GRID2: variants seen among roughly 807,000 people sequenced by gnomAD.
GRID2 encodes the protein glutamate ionotropic receptor delta type subunit 2.
Under a neutral mutation model 114.8 loss-of-function variants are expected in GRID2, and 33 were observed. The ratio of observed to expected loss-of-function variants is 0.29; its 90% CI spans 0.22 to 0.38. GRID2 has a LOEUF of 0.38. GRID2 is among the 10% of genes least tolerant of loss of function. The probability of loss-of-function intolerance (pLI) is 1.00; values close to 1 mark genes in which losing one functional copy is unlikely to be tolerated. For synonymous variants in GRID2, 505 were observed against 449.9 expected (o/e 1.12, Z -1.55); for missense variants, 1,184 against 1,257.7 (o/e 0.94, Z 0.89).
At chr4:92,754,354 C>G (rs987326668) in intron 2 of GRID2, among the ~76,000 whole-genome samples, 2 of 152,038 alleles carry the variant, frequency 1.3e-5, no homozygotes, top group African/African-American at 4.8e-5. Flanking sequence ...AAGCATGATA[C>G]CAAGAAACAG....
chr4:93,633,528 G>A (rs1161278054), intron 14 of GRID2, among the ~76,000 whole-genome samples: 1 of 151,966 alleles, frequency 6.6e-6, no homozygotes, highest in Non-Finnish European at 1.5e-5. Context: ...TTTCATACAT[G>A]AATAAAAGAT....
chr4:92,520,375 TA>T (rs35833244), intron 1 of GRID2, among the ~76,000 whole-genome samples: 40 of 151,068 alleles, frequency 2.6e-4, no homozygotes, highest in African/African-American at 8.0e-4. Flanking sequence ...AACATATTGA[TA>T]AAAAAAAACA....
At position 93,772,884 on chromosome 4, in the gene GRID2, AC is replaced by A. The variant is rs1388799278; in HGVS notation, c.*387del. On this transcript the variant is annotated 3_prime_UTR_variant, in exon 16 of 16. Transcript: ENST00000282020. ...GTAACATTTCTCTATTTTTTGAAAT[AC>A]AATTGCAATAACTTCAGTCTTTTTA... 5.8e-6 allele frequency: 1 copy of A among 171,858 alleles called. No homozygotes were observed. The highest frequency in any genetic ancestry group is 1.2e-5 in the Non-Finnish European group (1 of 81,422). 10.6% of individuals were successfully genotyped at this position (171,858 alleles called of 1,614,324 possible). A position where few individuals can be genotyped will look rare whatever the true frequency, so the allele number is the denominator to read the frequency against.
At chr4:93,316,386 TAGAAAAGGAAGGAAGGAAGGA>T (rs1756663557) in intron 8 of GRID2, among the ~76,000 whole-genome samples, 1 of 77,606 alleles carries the variant, frequency 1.3e-5, no homozygotes, top group Non-Finnish European at 2.5e-5. Flanking sequence ...AAAGAAAGAA[TAGAAAAGGAAGGAAGGAAGGA>T]GAAGAAAAGA....
At chr4:92,894,156 T>A (rs1354727097) in intron 2 of GRID2, among the ~76,000 whole-genome samples, 4 of 152,146 alleles carry the variant, frequency 2.6e-5, no homozygotes, top group African/African-American at 9.7e-5. Flanking sequence ...GTCCACATGG[T>A]AGAGAAATAT....
chr4:92,935,228 A>G (rs1344760015), intron 2 of GRID2, among the ~76,000 whole-genome samples: 2 of 147,126 alleles, frequency 1.4e-5, no homozygotes, highest in African/African-American at 4.9e-5. Context: ...GGCAAAGGAC[A>G]TGAACAGACA....
At chr4:92,884,902 T>C (rs889906176) in intron 2 of GRID2, 1 of 379,818 alleles carries the variant, frequency 2.6e-6, no homozygotes, top group Non-Finnish European at 5.4e-6. Context: ...GTACTATCAA[T>C]GTAGATGATA....
At chr4:93,482,850 C>G (rs989274095) in intron 11 of GRID2, among the ~76,000 whole-genome samples, 1 of 151,878 alleles carries the variant, frequency 6.6e-6, no homozygotes, top group Non-Finnish European at 1.5e-5. Flanking sequence ...AGAAAATCTA[C>G]CCTAGCTTGC....
Position 93,643,038 on chromosome 4 carries a change from C to A in GRID2, c.2360+16603C>A, listed in dbSNP as rs1721774024. ...TTTTTATTCTTTTTTCTCTAAACTTCCCTTCTCGCTTCATTTCATTCATTT... is the reference window on the plus strand; with the variant it reads ...TTTTTATTCTTTTTTCTCTAAACTTACCTTCTCGCTTCATTTCATTCATTT... On this transcript the variant is annotated intron_variant, in intron 14 of 15. Transcript: ENST00000282020. Among the ~76,000 whole-genome samples, 2 of 13,182 alleles carry A rather than the reference C, an allele frequency of 1.5e-4. 1 individual carries two copies. Among genetic ancestry groups the A allele is most frequent in the Non-Finnish European group, 2.4e-4 (2 of 8,310 alleles). 8.6% of individuals were successfully genotyped at this position (13,182 alleles called of 152,430 possible). A position where few individuals can be genotyped will look rare whatever the true frequency, so the allele number is the denominator to read the frequency against.
chr4:93,353,347 A>G (rs1579786121), intron 8 of GRID2, among the ~76,000 whole-genome samples: 1 of 152,092 alleles, frequency 6.6e-6, no homozygotes, highest in East Asian at 1.9e-4. Flanking sequence ...AGTCAGAGCT[A>G]GCCAGGAAAA....
At chr4:92,317,835 C>T (rs954629295) in intron 1 of GRID2, among the ~76,000 whole-genome samples, 9 of 152,096 alleles carry the variant, frequency 5.9e-5, no homozygotes, top group African/African-American at 2.2e-4. Flanking sequence ...AGAATATTAT[C>T]ACTGAAAAAA....
intron 13 of GRID2, among the ~76,000 whole-genome samples, chr4:93,581,759 T>C (rs2149595495): frequency 6.6e-6 from 1 of 152,298 alleles, no homozygotes; most frequent in Non-Finnish European, 1.5e-5. Context: ...ATCTCTATCC[T>C]GATGGAGAAC....
At chr4:92,829,386 G>A (rs1187129053) in intron 2 of GRID2, among the ~76,000 whole-genome samples, 1 of 152,134 alleles carries the variant, frequency 6.6e-6, no homozygotes, top group Admixed American at 6.5e-5. Flanking sequence ...ACCACAACAG[G>A]ATACCATCTC....
intron 1 of GRID2, among the ~76,000 whole-genome samples, chr4:92,491,769 TAA>T (rs1184538074): frequency 2.6e-5 from 4 of 152,126 alleles, no homozygotes; most frequent in South Asian, 2.1e-4. Context: ...TGGATAAACA[TAA>T]ATTATGATTA....
intron 2 of GRID2, among the ~76,000 whole-genome samples, chr4:92,890,683 A>G (rs1206154026): frequency 6.6e-6 from 1 of 152,192 alleles, no homozygotes; most frequent in Admixed American, 6.5e-5. Flanking sequence ...AATTAGTTCA[A>G]CCGTTGTGGA....
intron 8 of GRID2, among the ~76,000 whole-genome samples, chr4:93,261,043 T>G (rs372298394): frequency 6.6e-6 from 1 of 151,768 alleles, no homozygotes; most frequent in African/African-American, 2.4e-5. Flanking sequence ...TCATCATAGT[T>G]CCCTGGGACT....
intron 2 of GRID2, among the ~76,000 whole-genome samples, chr4:93,048,911 G>T (rs1384377635): frequency 6.6e-6 from 1 of 151,998 alleles, no homozygotes. Flanking sequence ...GTATGGCAAG[G>T]AAAACACAGA....
chr4:93,772,109 A>G lies in GRID2; in HGVS notation c.2635A>G (p.Arg879Gly), dbSNP rs777605792. Reference sequence around the variant, plus strand: ...GGAAATTGACCTGGAGCACCTCCATAGACGTGTAAATAGCTTGTGCACAGA... The same window carrying G: ...GGAAATTGACCTGGAGCACCTCCATGGACGTGTAAATAGCTTGTGCACAGA... Reference protein sequence around the residue: ...DKEIDLEHLHRRVNSLCTDDD... With the variant: ...DKEIDLEHLHGRVNSLCTDDD... The change falls in exon 16 of 16, where the codon AGA (arginine) becomes GGA (glycine). Residue 879 changes from arginine (R) to glycine (G), a missense_variant. Coordinates refer to ENST00000282020, the MANE Select transcript of GRID2 (RefSeq NM_001510.4). 6.2e-7 allele frequency: 1 copy of G among 1,612,346 alleles called. No homozygotes were observed. Among genetic ancestry groups the G allele is most frequent in the Non-Finnish European group, 8.5e-7 (1 of 1,178,550 alleles).
chr4:93,256,146 T>C (rs187934858), intron 8 of GRID2, among the ~76,000 whole-genome samples: 51 of 152,136 alleles, frequency 3.4e-4, no homozygotes, highest in African/African-American at 1.2e-3. Flanking sequence ...ACTTTTAGCC[T>C]TTTTTTCACT....
Sources: gnomAD v4.1 joint callset for allele counts (sites outside exome capture counted in the v4.1 genomes callset) on GRCh38, gnomAD v4.1.1 for gene constraint, MANE v1.5 for transcripts, NCBI Gene and HGNC (gene_info 2026-07-23, HGNC 2026-07-21) for gene names.